The following SLCO5A1 variants were observed in gnomAD, a reference collection of about 807,000 sequenced individuals.
The protein encoded by SLCO5A1 is solute carrier organic anion transporter family member 5A1.
Under a neutral mutation model 65.1 loss-of-function variants are expected in SLCO5A1, and 39 were observed. The ratio of observed to expected loss-of-function variants is 0.60; its 90% CI spans 0.46 to 0.78. The LOEUF is 0.78. Among genes scored for constraint, SLCO5A1 ranks in the 30% least tolerant of loss-of-function variants. The pLI is 0.00. For missense variants in SLCO5A1, 1,029 were observed against 1,069.4 expected, an observed-to-expected ratio of 0.96 and a Z score of 0.53; for synonymous variants, 438 against 415.7, an observed-to-expected ratio of 1.05 and a Z score of -0.65.
At chr8:69,819,776 A>C (rs999384553) in intron 2 of SLCO5A1, among the ~76,000 whole-genome samples, 8 of 152,184 alleles carry the variant, frequency 5.3e-5, no homozygotes, top group Non-Finnish European at 7.3e-5. Context: ...AGCCTGGCCA[A>C]CATGGAGAAA....
Position 69,667,208 on chromosome 8 carries a change from T to C in SLCO5A1, c.*5661A>G, listed in dbSNP as rs1743694640. On this transcript the variant is annotated 3_prime_UTR_variant, in exon 10 of 10. Coordinates refer to ENST00000260126, the MANE Select transcript of SLCO5A1 (RefSeq NM_030958.3). The stretch of plus-strand genomic sequence containing the variant: ...TTACCTTAAAAAGTCTCCAAATGAA[T>C]ATCATTTTAAAAATCACAAAATCAA... The C allele has an allele frequency of 6.6e-6, 1 of 152,158 alleles. No individual in the cohort carries two copies. The highest frequency in any genetic ancestry group is 6.6e-5 in the Admixed American group (1 of 15,266). 9.4% of individuals were successfully genotyped at this position (152,158 alleles called of 1,614,324 possible).
At chr8:69,745,320 G>A (rs1003510494) in intron 4 of SLCO5A1, among the ~76,000 whole-genome samples, 10 of 151,702 alleles carry the variant, frequency 6.6e-5, no homozygotes, top group African/African-American at 1.9e-4. Flanking sequence ...TTTACCCACC[G>A]ACATTGTGCA....
chr8:69,825,247 T>C (rs1490273199), intron 2 of SLCO5A1, among the ~76,000 whole-genome samples: 2 of 152,198 alleles, frequency 1.3e-5, no homozygotes, highest in Non-Finnish European at 2.9e-5. Flanking sequence ...TCACCACTCC[T>C]ATTCAACATA....
At chr8:69,683,161 G>A (rs370692958) in intron 6 of SLCO5A1, among the ~76,000 whole-genome samples, 2 of 152,202 alleles carry the variant, frequency 1.3e-5, no homozygotes, top group East Asian at 1.9e-4. Flanking sequence ...AACAAACAGC[G>A]GTGGAAGAGC....
intron 4 of SLCO5A1, among the ~76,000 whole-genome samples, chr8:69,752,717 T>C (rs1279173969): frequency 6.6e-6 from 1 of 152,204 alleles, no homozygotes; most frequent in African/African-American, 2.4e-5. Context: ...GTTCCAGTCT[T>C]GATATGATTA....
intron 2 of SLCO5A1, among the ~76,000 whole-genome samples, chr8:69,788,383 G>GA (rs1819128254): frequency 1.3e-5 from 2 of 152,156 alleles, no homozygotes; most frequent in Non-Finnish European, 2.9e-5. Flanking sequence ...TGAGACCTGT[G>GA]AAAATCTCGT....
At chr8:69,773,509 T>C (rs867483590) in intron 2 of SLCO5A1, among the ~76,000 whole-genome samples, 2 of 152,162 alleles carry the variant, frequency 1.3e-5, no homozygotes, top group Non-Finnish European at 2.9e-5. Flanking sequence ...CCAGAGGCTG[T>C]CCAAGGCCTC....
Position 69,739,202 on chromosome 8 carries a change from AT to A in SLCO5A1, c.1259-999del, listed in dbSNP as rs753856331. The stretch of plus-strand genomic sequence containing the variant: ...AAAATCAAACAAACCAAAACAATGT[AT>A]TTTATATGGTCAAATATATACTTCT... On this transcript the variant is annotated intron_variant, in intron 4 of 9. Coordinates refer to ENST00000260126, the MANE Select transcript of SLCO5A1 (RefSeq NM_030958.3). Among the ~76,000 whole-genome samples the A allele has an allele frequency of 1.9e-4, 29 of 152,358 alleles. No individual in the cohort carries two copies. In the East Asian group the frequency reaches 5.4e-3, roughly 28 times the overall value.
intron 5 of SLCO5A1, among the ~76,000 whole-genome samples, chr8:69,727,912 C>A (rs537556945): frequency 1.3e-5 from 2 of 152,122 alleles, no homozygotes; most frequent in African/African-American, 4.8e-5. Context: ...CCAGCGCAAA[C>A]GCAAACTACA....
At chr8:69,739,971 A>G (rs1412036594) in intron 4 of SLCO5A1, among the ~76,000 whole-genome samples, 2 of 152,254 alleles carry the variant, frequency 1.3e-5, no homozygotes, top group Admixed American at 6.5e-5. Flanking sequence ...AATTTTTAAC[A>G]TAAGAAAGTA....
At chr8:69,736,656 G>A (rs924662275) in intron 5 of SLCO5A1, among the ~76,000 whole-genome samples, 12 of 152,172 alleles carry the variant, frequency 7.9e-5, no homozygotes, top group African/African-American at 2.7e-4. Context: ...GGAGTTTCAC[G>A]ATGCATATCG....
intron 5 of SLCO5A1, among the ~76,000 whole-genome samples, chr8:69,712,368 T>G (rs1352263195): frequency 6.6e-6 from 1 of 152,240 alleles, no homozygotes; most frequent in African/African-American, 2.4e-5. Context: ...AGGGTCTTTA[T>G]GAAAAATTAA....
intron 9 of SLCO5A1, among the ~76,000 whole-genome samples, chr8:69,673,959 G>A (rs1242684774): frequency 6.6e-6 from 1 of 152,180 alleles, no homozygotes; most frequent in African/African-American, 2.4e-5. Context: ...GAGATGAATA[G>A]TAGCTTCGTT....
intron 3 of SLCO5A1, among the ~76,000 whole-genome samples, chr8:69,757,829 A>G (rs1817595788): frequency 5.9e-5 from 9 of 152,094 alleles, no homozygotes; most frequent in Admixed American, 5.9e-4. Context: ...GCCTCTCTCC[A>G]CGAACTCTCC....
intron 5 of SLCO5A1, chr8:69,719,608 A>C (rs1815723343): frequency 6.6e-6 from 1 of 152,238 alleles, no homozygotes; most frequent in African/African-American, 2.4e-5. Flanking sequence ...CGAAGTTAAA[A>C]TTGGAAGAGA....
chr8:69,724,984 T>C (rs943459715), intron 5 of SLCO5A1, among the ~76,000 whole-genome samples: 1 of 152,212 alleles, frequency 6.6e-6, no homozygotes, highest in Non-Finnish European at 1.5e-5. Context: ...GTCATTTATA[T>C]GGAGGATGGT....
At chr8:69,817,654 T>C (rs1231691052) in intron 2 of SLCO5A1, among the ~76,000 whole-genome samples, 1 of 152,232 alleles carries the variant, frequency 6.6e-6, no homozygotes, top group Non-Finnish European at 1.5e-5. Context: ...TTAAATGAGA[T>C]GATCTCTAGG....
chr8:69,798,131 G>T (rs752521652), intron 2 of SLCO5A1, among the ~76,000 whole-genome samples: 1 of 152,134 alleles, frequency 6.6e-6, no homozygotes, highest in African/African-American at 2.4e-5. Context: ...AATATCGGGG[G>T]TGAATTTCAC....
chr8:69,699,533 A>G (rs1814634711), intron 6 of SLCO5A1, among the ~76,000 whole-genome samples: 1 of 150,356 alleles, frequency 6.7e-6, no homozygotes, highest in Non-Finnish European at 1.5e-5. Flanking sequence ...GAGACCCACC[A>G]GATGACAAGA....
Sources: gnomAD v4.1 joint callset for allele counts (sites outside exome capture counted in the v4.1 genomes callset) on GRCh38, gnomAD v4.1.1 for gene constraint, MANE v1.5 for transcripts, NCBI Gene and HGNC (gene_info 2026-07-23, HGNC 2026-07-21) for gene names.